The following NR0B2 variants were observed in gnomAD, a reference collection of about 807,000 sequenced individuals.
NR0B2 encodes the protein nuclear receptor SHP.
A neutral mutation model predicts 18.9 loss-of-function variants in NR0B2; 17 were observed. The ratio of observed to expected loss-of-function variants is 0.90; its 90% confidence interval spans 0.62 to 1.35. The LOEUF is 1.35. NR0B2 is among the 40% of genes most tolerant of loss of function. The pLI is 0.00. For missense variants in NR0B2, 312 were observed against 333.3 expected (o/e 0.94, Z 0.50); for synonymous variants, 116 against 138.5 (o/e 0.84, Z 1.14).
intron 1 of NR0B2, among the ~76,000 whole-genome samples, chr1:26,912,347 C>T (rs1372496895): frequency 6.6e-6 from 1 of 152,112 alleles, no homozygotes; most frequent in Non-Finnish European, 1.5e-5. Context: ...AGCACTGTCA[C>T]TTATTAGCTG....
chr1:26,911,807 G>T lies in NR0B2; in HGVS notation c.*38C>A. 6.2e-7 allele frequency: 1 copy of T among 1,613,872 alleles called. No individual in the cohort carries two copies. Among genetic ancestry groups the T allele is most frequent in the South Asian group, 1.1e-5 (1 of 90,932 alleles). On this transcript the variant is annotated 3_prime_UTR_variant, in exon 2 of 2. Coordinates refer to ENST00000254227, the MANE Select transcript of NR0B2 (RefSeq NM_021969.3). Reference sequence around the variant, plus strand: ...TGGCCAGGCTGAATCAGCACTGCCAGCCTCTGCCCACCTGATCTCTGCCTG... The same window carrying T: ...TGGCCAGGCTGAATCAGCACTGCCATCCTCTGCCCACCTGATCTCTGCCTG...
chr1:26,913,950 T>G lies in NR0B2; in HGVS notation c.-10A>C. The G allele has an allele frequency of 6.8e-7, 1 of 1,460,138 alleles. No individual in the cohort carries two copies. The highest frequency in any genetic ancestry group is 9.1e-7 in the Non-Finnish European group (1 of 1,102,870). 90.4% of individuals were successfully genotyped at this position (1,460,138 alleles called of 1,614,324 possible). ...GTTGGCTGGTGCTCATGGTTAGGGA[T>G]CTGCTCTCACTTCCAGCTCTCTGGC... On this transcript the variant is annotated 5_prime_UTR_variant, in exon 1 of 2. Transcript: ENST00000254227.
intron 1 of NR0B2, among the ~76,000 whole-genome samples, chr1:26,913,142 C>T (rs751001858): frequency 2.4e-4 from 36 of 151,990 alleles, no homozygotes; most frequent in Admixed American, 3.9e-4. Flanking sequence ...AAAAATTAGC[C>T]GGGAGTGGTG....
chr1:26,912,020 C>T lies in NR0B2; in HGVS notation c.599G>A (p.Cys200Tyr), dbSNP rs755793150. The change falls in exon 2 of 2, where the codon TGT becomes TAT. Residue 200 changes from cysteine (C) to tyrosine (Y), a missense_variant. Coordinates refer to ENST00000254227, the MANE Select transcript of NR0B2 (RefSeq NM_021969.3). ...TGGGCACCAGGGTTCCAGGACTTCA[C>T]ACAGCACCCAGTGAGCCTCCTGCTG... Reference protein sequence around the residue: ...HLQQEAHWVLCEVLEPWCPAA... With the variant: ...HLQQEAHWVLYEVLEPWCPAA... The T allele has an allele frequency of 3.7e-6, 6 of 1,614,216 alleles. No individual in the cohort carries two copies. Among genetic ancestry groups the T allele is most frequent in the Non-Finnish European group, 5.1e-6 (6 of 1,180,044 alleles).
intron 1 of NR0B2, among the ~76,000 whole-genome samples, chr1:26,912,408 TAA>T (rs1056960642): frequency 7.2e-5 from 11 of 152,278 alleles, no homozygotes; most frequent in African/African-American, 2.6e-4. Context: ...TCTTTATCTG[TAA>T]AACGGGAATA....
rs1320291179 is a variant in NR0B2 at position 26,911,998 on chromosome 1, G to A, written c.621C>T (p.Cys207=). ...WVLCEVLEPW[C]PAAQGRLTRV... ...GGGTCAGGCGGCCTTGGGCTGCTGG[G>A]CACCAGGGTTCCAGGACTTCACACA... Residue 207 remains cysteine (C), a synonymous_variant, in exon 2 of 2, where the codon TGC becomes TGT. Transcript: ENST00000254227. The A allele has an allele frequency of 1.2e-6, 2 of 1,614,130 alleles. No homozygotes were observed. Among genetic ancestry groups the A allele is most frequent in the East Asian group, 2.2e-5 (1 of 44,904 alleles).
Position 26,912,231 on chromosome 1 carries a change from T to C in NR0B2, c.533-145A>G, listed in dbSNP as rs1361174237. Reference sequence around the variant, plus strand: ...GAGGTCCCACTACTACCTCCTCCTTTAGAGGAGGTAATTTATTTATCAATT... The same window carrying C: ...GAGGTCCCACTACTACCTCCTCCTTCAGAGGAGGTAATTTATTTATCAATT... On this transcript the variant is annotated intron_variant, in intron 1 of 1. Transcript: ENST00000254227. The C allele has an allele frequency of 1.7e-5, 14 of 803,114 alleles. No individual in the cohort carries two copies. In the Admixed American group the frequency reaches 3.7e-4, roughly 21 times the overall value. The allele number at this position is 803,114 out of a possible 1,614,324, so 49.7% of individuals were successfully genotyped here. A position where few individuals can be genotyped will look rare whatever the true frequency, so the allele number is the denominator to read the frequency against.
Position 26,913,540 on chromosome 1 carries a change from T to C in NR0B2, c.401A>G (p.Gln134Arg). The change falls in exon 1 of 2, where the codon CAA (glutamine) becomes CGA (arginine). Residue 134 changes from glutamine (Q) to arginine (R), a missense_variant. By Grantham distance (43) the Gln-to-Arg change is conservative (BLOSUM62 1). Coordinates refer to ENST00000254227, the MANE Select transcript of NR0B2 (RefSeq NM_021969.3). ...GGAGGGCTGGGGTCTGTCTGGCAGT[T>C]GGCCACTGCCTCCACTGCTGCTGGG... is the stretch of plus-strand genomic sequence containing the variant. Reference protein sequence around the residue: ...EEPSSSGGSGQLPDRPQPSLA... With the variant: ...EEPSSSGGSGRLPDRPQPSLA... 3 of 1,613,946 alleles carry C rather than the reference T, an allele frequency of 1.9e-6. No homozygotes were observed. Among genetic ancestry groups the C allele is most frequent in the Non-Finnish European group, 2.5e-6 (3 of 1,179,882 alleles).
chr1:26,911,640 A>G lies in NR0B2; in HGVS notation c.*205T>C, dbSNP rs1379362576. On this transcript the variant is annotated 3_prime_UTR_variant, in exon 2 of 2. Transcript: ENST00000254227. ...CCCAGAGGCTGTGGGGACCACCAAA[A>G]GCCTCCCAGGCAGCTGGAACACTGT... The G allele has an allele frequency of 4.8e-6, 3 of 620,176 alleles. No individual in the cohort carries two copies. Among genetic ancestry groups the G allele is most frequent in the Non-Finnish European group, 8.7e-6 (3 of 345,850 alleles). The allele number at this position is 620,176 out of a possible 1,614,324, so 38.4% of individuals were successfully genotyped here.
At chr1:26,912,915 C>T (rs1312521770) in intron 1 of NR0B2, among the ~76,000 whole-genome samples, 1 of 152,222 alleles carries the variant, frequency 6.6e-6, no homozygotes, top group Non-Finnish European at 1.5e-5. Flanking sequence ...CCTGGTCTGT[C>T]CCTACCTGGC....
Position 26,911,601 on chromosome 1 carries a change from G to A in NR0B2, c.*244C>T. On this transcript the variant is annotated 3_prime_UTR_variant, in exon 2 of 2. Coordinates refer to ENST00000254227, the MANE Select transcript of NR0B2 (RefSeq NM_021969.3). ...AGCTTTCATTCTCATCCCAAGAAGG[G>A]ACAGGAGTCTTGGCCCAGAGGCTGT... 1.8e-6 allele frequency: 1 copy of A among 547,266 alleles called. No homozygotes were observed. The highest frequency in any genetic ancestry group is 3.3e-6 in the Non-Finnish European group (1 of 302,092). The allele number at this position is 547,266 out of a possible 1,614,324, so 33.9% of individuals were successfully genotyped here.
rs2082029054 is a variant in NR0B2 at position 26,911,914 on chromosome 1, G to A, written c.705C>T (p.Leu235=). ...KSIPTSLLGD[L]FFRPIIGDVD... is the part of the protein sequence containing the mutation. ...CATCTCCAATGATAGGGCGAAAGAA[G>A]AGGTCCCCAAGCAGGCTGGTCGGAA... Residue 235 remains leucine, a synonymous_variant, in exon 2 of 2, where the codon CTC becomes CTT. Transcript: ENST00000254227. 1 of 1,614,086 alleles carries A rather than the reference G, an allele frequency of 6.2e-7. No homozygotes were observed. The highest frequency in any genetic ancestry group is 1.1e-5 in the South Asian group (1 of 91,082).
Position 26,911,975 on chromosome 1 carries a change from G to A in NR0B2, c.644C>T (p.Thr215Ile). 5.0e-6 allele frequency: 8 copies of A among 1,614,248 alleles called. No homozygotes were observed. The highest frequency in any genetic ancestry group is 6.8e-6 in the Non-Finnish European group (8 of 1,180,044). The stretch of plus-strand genomic sequence containing the variant: ...GGTGGAGGCCGTGAGGAGGACACGG[G>A]TCAGGCGGCCTTGGGCTGCTGGGCA... ...PWCPAAQGRL[T>I]RVLLTASTLK... Residue 215 changes from threonine to isoleucine, a missense_variant, in exon 2 of 2, where the codon ACC becomes ATC. Transcript: ENST00000254227.
At position 26,911,982 on chromosome 1, in the gene NR0B2, G is replaced by A. The variant is rs199976415; in HGVS notation, c.637C>T (p.Arg213Cys). 2.4e-5 allele frequency: 39 copies of A among 1,614,220 alleles called. No homozygotes were observed. In the East Asian group the frequency reaches 4.5e-4, roughly 18 times the overall value. ...GCCGTGAGGAGGACACGGGTCAGGC[G>A]GCCTTGGGCTGCTGGGCACCAGGGT... ...LEPWCPAAQG[R>C]LTRVLLTAST... Residue 213 changes from arginine to cysteine, a missense_variant, in exon 2 of 2, where the codon CGC becomes TGC. Physicochemically the swap from Arg to Cys is radical, Grantham distance 180 (BLOSUM62 -3). Coordinates refer to ENST00000254227, the MANE Select transcript of NR0B2 (RefSeq NM_021969.3).
intron 1 of NR0B2, among the ~76,000 whole-genome samples, chr1:26,912,691 C>G (rs1481714814): frequency 6.6e-6 from 1 of 152,160 alleles, no homozygotes; most frequent in Non-Finnish European, 1.5e-5. Context: ...CTCCCTACGC[C>G]CCTTTCAGTC....
At chr1:26,913,386 C>A in intron 1 of NR0B2, 23 bp downstream of exon 1, 9 of 1,613,324 alleles carry the variant, frequency 5.6e-6, no homozygotes, top group Non-Finnish European at 7.6e-6. Context: ...TTGCCCCCCA[C>A]CCAGGAGTGT....
Position 26,911,883 on chromosome 1 carries a change from T to C in NR0B2, c.736A>G (p.Ile246Val). ...AGCATGTCCCCAAGAAGGCCAGCGA[T>C]GTCAACATCTCCAATGATAGGGCGA... ...FFRPIIGDVD[I>V]AGLLGDMLLL... Residue 246 changes from isoleucine to valine, a missense_variant, in exon 2 of 2, where the codon ATC (isoleucine) becomes GTC (valine). Physicochemically the swap from Ile to Val is conservative, Grantham distance 29. Coordinates refer to ENST00000254227, the MANE Select transcript of NR0B2 (RefSeq NM_021969.3). The C allele has an allele frequency of 1.2e-6, 2 of 1,614,112 alleles. No homozygotes were observed. Among genetic ancestry groups the C allele is most frequent in the South Asian group, 2.2e-5 (2 of 91,084 alleles).
chr1:26,913,817 T>C lies in NR0B2; in HGVS notation c.124A>G (p.Arg42Gly), dbSNP rs1383981858. ...VPRPRSRCLC[R>G]QHRPVQLCAP... ...CATAGCTGGACGGGCCGGTGCTGCC[T>C]ACATAGGCAGCGGCTACGGGGTCGG... Residue 42 changes from arginine to glycine, a missense_variant, in exon 1 of 2, where the codon AGG becomes GGG. Transcript: ENST00000254227. The C allele has an allele frequency of 2.6e-6, 4 of 1,514,180 alleles. No homozygotes were observed. The highest frequency in any genetic ancestry group is 2.3e-5 in the East Asian group (1 of 43,826). The allele number at this position is 1,514,180 out of a possible 1,614,324, so 93.8% of individuals were successfully genotyped here. A position where few individuals can be genotyped will look rare whatever the true frequency, so the allele number is the denominator to read the frequency against.
rs767599176 is a variant in NR0B2, at chr1:26,912,089, G to A, written c.533-3C>T. ...GGCGGCTTGGAGGCCTGGCACATCT[G>A]TGGGCAGAGAGGGAGAAGAGGGCTG... On this transcript the variant is annotated splice_region_variant and splice_polypyrimidine_tract_variant and intron_variant, in intron 1 of 1. Transcript: ENST00000254227. 1.2e-6 allele frequency: 2 copies of A among 1,613,474 alleles called. No homozygotes were observed. Among genetic ancestry groups the A allele is most frequent in the South Asian group, 1.1e-5 (1 of 91,050 alleles).
Sources: gnomAD v4.1 joint callset for allele counts (sites outside exome capture counted in the v4.1 genomes callset) on GRCh38, gnomAD v4.1.1 for gene constraint, MANE v1.5 for transcripts, NCBI Gene and HGNC (gene_info 2026-07-23, HGNC 2026-07-21) for gene names.